The following SYT9 variants were observed in gnomAD, a reference collection of about 807,000 sequenced individuals.
SYT9 encodes the protein synaptotagmin-9.
In SYT9, 22 loss-of-function variants were observed where a neutral mutation model predicts 48.4. The observed-to-expected ratio is 0.45, with a 90% CI of 0.32 to 0.65. The LOEUF is 0.65. Among genes scored for constraint, SYT9 ranks in the 30% least tolerant of loss-of-function variants. The pLI, the probability that SYT9 is intolerant of heterozygous loss-of-function variation, is 0.03. For missense variants in SYT9, 577 were observed against 622.0 expected (o/e 0.93, Z 0.77); for synonymous variants, 265 against 245.0 (o/e 1.08, Z -0.76).
intron 1 of SYT9, among the ~76,000 whole-genome samples, chr11:7,295,321 A>G (rs1848778981): frequency 1.3e-5 from 2 of 152,232 alleles, no homozygotes; most frequent in African/African-American, 4.8e-5. Flanking sequence ...CATTGCTCCC[A>G]AGTTCTACCT....
At chr11:7,430,410 C>A (rs1847548608) in intron 6 of SYT9, among the ~76,000 whole-genome samples, 1 of 152,112 alleles carries the variant, frequency 6.6e-6, no homozygotes, top group Non-Finnish European at 1.5e-5. Context: ...TTGTCAGAAA[C>A]AGAAGCAGTT....
chr11:7,455,787 A>G (rs973199189), intron 6 of SYT9, among the ~76,000 whole-genome samples: 1 of 152,304 alleles, frequency 6.6e-6, no homozygotes, highest in Admixed American at 6.5e-5. Context: ...TTAGTCCCTC[A>G]TGGTATCACA....
chr11:7,441,728 A>G (rs1847833183), intron 6 of SYT9: 1 of 152,204 alleles, frequency 6.6e-6, no homozygotes. Flanking sequence ...CTCTGTTAAG[A>G]GCAAGGAAAA....
intron 6 of SYT9, chr11:7,427,711 A>T (rs1020259669): frequency 1.3e-5 from 2 of 152,242 alleles, no homozygotes; most frequent in African/African-American, 4.8e-5. Context: ...GACAAAATGA[A>T]GAAATTATTC....
chr11:7,265,183 G>A (rs1848155345), intron 1 of SYT9, among the ~76,000 whole-genome samples: 2 of 151,980 alleles, frequency 1.3e-5, no homozygotes, highest in Non-Finnish European at 2.9e-5. Context: ...AACTTATTAG[G>A]TTTACCACAG....
chr11:7,276,015 C>T (rs1166871179), intron 1 of SYT9, among the ~76,000 whole-genome samples: 1 of 152,174 alleles, frequency 6.6e-6, no homozygotes, highest in Non-Finnish European at 1.5e-5. Flanking sequence ...GTCTTGTTCA[C>T]TATTATGTTT....
chr11:7,402,979 T>C (rs1378931237), intron 3 of SYT9, among the ~76,000 whole-genome samples: 1 of 152,160 alleles, frequency 6.6e-6, no homozygotes, highest in Non-Finnish European at 1.5e-5. Context: ...TTAGTGGCTA[T>C]TTTAGTATTT....
chr11:7,446,764 C>T (rs975211142), intron 6 of SYT9, among the ~76,000 whole-genome samples: 1 of 152,088 alleles, frequency 6.6e-6, no homozygotes, highest in African/African-American at 2.4e-5. Context: ...CTTGCTTCTC[C>T]TCCCCTCCTC....
At chr11:7,279,165 C>T (rs565942339) in intron 1 of SYT9, among the ~76,000 whole-genome samples, 1 of 152,078 alleles carries the variant, frequency 6.6e-6, no homozygotes, top group Non-Finnish European at 1.5e-5. Context: ...GGCTTGTGAG[C>T]TTGGTGTCCA....
At chr11:7,376,335 T>C (rs1850453454) in intron 3 of SYT9, among the ~76,000 whole-genome samples, 1 of 147,708 alleles carries the variant, frequency 6.8e-6, no homozygotes, top group Admixed American at 6.7e-5. Flanking sequence ...TCTTTCTCTC[T>C]CCCTCTTTCT....
intron 6 of SYT9, among the ~76,000 whole-genome samples, chr11:7,459,648 A>G (rs1333255591): frequency 6.6e-6 from 1 of 152,110 alleles, no homozygotes; most frequent in Admixed American, 6.5e-5. Flanking sequence ...TCAGAATGTC[A>G]CCTTATTTGG....
At chr11:7,265,956 C>T (rs1379280457) in intron 1 of SYT9, among the ~76,000 whole-genome samples, 2 of 152,102 alleles carry the variant, frequency 1.3e-5, no homozygotes, top group East Asian at 3.9e-4. Flanking sequence ...GGCTATAAAT[C>T]ATCCTAGCCA....
Position 7,365,086 on chromosome 11 carries a change from A to G in SYT9, c.1045-50956A>G, listed in dbSNP as rs1006312114. On this transcript the variant is annotated intron_variant, in intron 3 of 6. Coordinates refer to ENST00000318881, the MANE Select transcript of SYT9 (RefSeq NM_175733.4). ...CCCACCCCGCACATATTCTGCCTTC[A>G]CTTCCTTGCACAGTGAAACGCTCCA... 2.0e-5 allele frequency among the ~76,000 whole-genome samples: 3 copies of G among 152,170 alleles called. No individual in the cohort carries two copies. In the South Asian group the frequency reaches 6.2e-4, roughly 32 times the overall value.
At chr11:7,342,842 G>A (rs1393979410) in intron 3 of SYT9, among the ~76,000 whole-genome samples, 2 of 152,204 alleles carry the variant, frequency 1.3e-5, no homozygotes, top group African/African-American at 2.4e-5. Context: ...TGGACATCCA[G>A]GCATTTCCAT....
chr11:7,376,513 C>T (rs551209700), intron 3 of SYT9, among the ~76,000 whole-genome samples: 2 of 152,006 alleles, frequency 1.3e-5, no homozygotes, highest in Non-Finnish European at 2.9e-5. Flanking sequence ...TTCCTACACA[C>T]CATAGACTAA....
At chr11:7,310,418 G>A (rs1327945315) in intron 2 of SYT9, among the ~76,000 whole-genome samples, 13 of 150,518 alleles carry the variant, frequency 8.6e-5, no homozygotes. Flanking sequence ...ACAGGTGTGA[G>A]CCATTGTGCC....
chr11:7,356,841 C>A (rs1379527116), intron 3 of SYT9, among the ~76,000 whole-genome samples: 1 of 152,204 alleles, frequency 6.6e-6, no homozygotes, highest in South Asian at 2.1e-4. Flanking sequence ...CTACACTAAA[C>A]TGTTACTGTG....
chr11:7,319,195 T>TC (rs1849296037), intron 3 of SYT9, among the ~76,000 whole-genome samples: 2 of 2,300 alleles, frequency 8.7e-4, no homozygotes, highest in African/African-American at 1.0e-3. Context: ...TCTTTTTCTT[T>TC]TTTTTTTTTT....
intron 1 of SYT9, among the ~76,000 whole-genome samples, chr11:7,269,205 C>T (rs1848250100): frequency 2.6e-5 from 4 of 151,442 alleles, no homozygotes; most frequent in Admixed American, 2.6e-4. Flanking sequence ...GACAGCATTT[C>T]AAATCAGTTG....
Sources: allele counts gnomAD v4.1 joint callset (sites outside exome capture counted in the v4.1 genomes callset), GRCh38; gene constraint gnomAD v4.1.1; transcripts MANE v1.5; gene names NCBI Gene and HGNC (gene_info 2026-07-23, HGNC 2026-07-21).